Variants in TBC1D8 observed in about 807,000 individuals in gnomAD.
TBC1D8 encodes BUB2-like protein 1.
A neutral mutation model predicts 118.8 loss-of-function variants in TBC1D8; 65 were observed. The ratio of observed to expected loss-of-function variants is 0.55; its 90% CI spans 0.45 to 0.67. The LOEUF (loss-of-function observed/expected upper bound fraction) is 0.67. Among genes scored for constraint, TBC1D8 ranks in the 30% least tolerant of loss-of-function variants. The probability of loss-of-function intolerance (pLI) is 0.00; values close to 1 mark genes in which losing one functional copy is unlikely to be tolerated. For synonymous variants in TBC1D8, 566 were observed against 595.8 expected, an observed-to-expected ratio of 0.95 and a Z score of 0.73; for missense variants, 1,376 against 1,471.2, an observed-to-expected ratio of 0.94 and a Z score of 1.06.
intron 1 of TBC1D8, among the ~76,000 whole-genome samples, chr2:101,106,113 C>T (rs907177459): frequency 4.6e-5 from 7 of 151,882 alleles, no homozygotes; most frequent in African/African-American, 1.7e-4. Context: ...GGAAAAGAAA[C>T]CCTCCTAAGA....
At chr2:101,129,509 G>A (rs888694703) in intron 1 of TBC1D8, among the ~76,000 whole-genome samples, 1 of 152,052 alleles carries the variant, frequency 6.6e-6, no homozygotes, top group South Asian at 2.1e-4. Context: ...TTCAACAGTC[G>A]CCAGCCCAGA....
At chr2:101,051,220 C>A (rs769852996) in intron 4 of TBC1D8, among the ~76,000 whole-genome samples, 1 of 152,134 alleles carries the variant, frequency 6.6e-6, no homozygotes, top group African/African-American at 2.4e-5. Context: ...AATGAACATA[C>A]GCACGTATGT....
intron 12 of TBC1D8, among the ~76,000 whole-genome samples, chr2:101,028,737 G>T (rs911694608): frequency 4.6e-5 from 7 of 152,096 alleles, no homozygotes; most frequent in African/African-American, 1.4e-4. Flanking sequence ...CTCTTTCAAT[G>T]TCATCTGACT....
intron 1 of TBC1D8, among the ~76,000 whole-genome samples, chr2:101,113,631 T>G (rs67087164): frequency 0.15 from 23,265 of 152,124 alleles, 1,838 homozygotes; most frequent in African/African-American, 0.19. Context: ...ACACTCTTGT[T>G]TAATGGCCCT....
intron 17 of TBC1D8, chr2:101,018,105 CT>C: frequency 1.7e-6 from 1 of 590,630 alleles, no homozygotes. Context: ...CCAATCAACA[CT>C]TTTTCATATA....
intron 1 of TBC1D8, among the ~76,000 whole-genome samples, chr2:101,145,649 A>C (rs1003220278): frequency 6.6e-6 from 1 of 152,186 alleles, no homozygotes; most frequent in Non-Finnish European, 1.5e-5. Context: ...TTAGCCTGTC[A>C]GTTTCACCTC....
intron 17 of TBC1D8, chr2:101,018,003 A>C: frequency 2.1e-6 from 3 of 1,432,708 alleles, no homozygotes; most frequent in Non-Finnish European, 2.9e-6. Context: ...TCGCAATTCT[A>C]CTTCAAGCAT....
chr2:101,119,986 G>A (rs1457980902), intron 1 of TBC1D8, among the ~76,000 whole-genome samples: 1 of 152,108 alleles, frequency 6.6e-6, no homozygotes, highest in African/African-American at 2.4e-5. Context: ...CACAGAACAG[G>A]CAAAATAACC....
intron 1 of TBC1D8, among the ~76,000 whole-genome samples, chr2:101,137,378 TCTCGG>T (rs1330787592): frequency 9.9e-5 from 15 of 151,804 alleles, no homozygotes. Context: ...AGTGGCATGA[TCTCGG>T]CTCACTGCAA....
At chr2:101,131,639 C>T (rs1285138827) in intron 1 of TBC1D8, among the ~76,000 whole-genome samples, 1 of 151,436 alleles carries the variant, frequency 6.6e-6, no homozygotes, top group Non-Finnish European at 1.5e-5. Context: ...ATGGTGAAAC[C>T]CTGTCTCTAC....
At chr2:101,019,009 A>T in intron 17 of TBC1D8, 1 of 1,612,696 alleles carries the variant, frequency 6.2e-7, no homozygotes, top group East Asian at 2.2e-5. Flanking sequence ...TTCTGTGCTA[A>T]ACAGTGTTAC....
At chr2:101,115,710 C>G (rs1677788752) in intron 1 of TBC1D8, among the ~76,000 whole-genome samples, 2 of 152,052 alleles carry the variant, frequency 1.3e-5, no homozygotes, top group South Asian at 4.1e-4. Flanking sequence ...GAGATTGTAC[C>G]ACTGCACCCC....
rs186608537 is a variant in TBC1D8, at chr2:101,060,016, G to A, written c.284-477C>T. Reference sequence around the variant, plus strand: ...AAAGGAAGGCACCCCCATAGGGGCCGTGGTGCTCCTCCCTGCAGGACTGGG... The same window carrying A: ...AAAGGAAGGCACCCCCATAGGGGCCATGGTGCTCCTCCCTGCAGGACTGGG... On this transcript the variant is annotated intron_variant, in intron 2 of 19. Coordinates refer to ENST00000409318, the MANE Select transcript of TBC1D8 (RefSeq NM_001330348.2). Among the ~76,000 whole-genome samples the A allele has an allele frequency of 1.7e-3, 265 of 152,334 alleles. 3 individuals are homozygous for A. Among genetic ancestry groups the A allele is most frequent in the East Asian group, 4.4e-3 (23 of 5,178 alleles).
intron 1 of TBC1D8, among the ~76,000 whole-genome samples, chr2:101,105,240 A>C (rs1415651868): frequency 1.3e-5 from 2 of 152,224 alleles, no homozygotes; most frequent in Non-Finnish European, 2.9e-5. Context: ...AACACGTCTG[A>C]TAAAGGACTT....
chr2:101,090,241 T>C lies in TBC1D8; in HGVS notation c.251A>G (p.Asn84Ser). 1 of 1,613,876 alleles carries C rather than the reference T, an allele frequency of 6.2e-7. No homozygotes were observed. Among genetic ancestry groups the C allele is most frequent in the South Asian group, 1.1e-5 (1 of 91,064 alleles). ...YSPIACGELL[N>S]GSDVYWAIAT... ...TATGGCCCAGTAAACGTCTGATCCA[T>C]TCAGTAACTCACCACATGCTATGGG... Residue 84 changes from asparagine (N) to serine (S), a missense_variant, in exon 2 of 20, where the codon AAT (asparagine) becomes AGT (serine). By Grantham distance (46) the Asn-to-Ser change is conservative (BLOSUM62 1). Coordinates refer to ENST00000409318, the MANE Select transcript of TBC1D8 (RefSeq NM_001330348.2).
chr2:101,032,286 A>C lies in TBC1D8; in HGVS notation c.1918T>G (p.Phe640Val). 6.2e-7 allele frequency: 1 copy of C among 1,613,782 alleles called. No homozygotes were observed. The highest frequency in any genetic ancestry group is 8.5e-7 in the Non-Finnish European group (1 of 1,179,780). The change falls in exon 11 of 20, where the codon TTC (phenylalanine) becomes GTC (valine). Residue 640 changes from phenylalanine to valine, a missense_variant. Physicochemically the swap from Phe to Val is conservative, Grantham distance 50. Coordinates refer to ENST00000409318, the MANE Select transcript of TBC1D8 (RefSeq NM_001330348.2). ...TGTTTACCGATCACTCGGTGGTTGA[A>C]GTAATCGGGCAGCATCCGCTCACAC... ...AVCERMLPDYFNHRVIGAQVD... is the reference protein window; with the variant it reads ...AVCERMLPDYVNHRVIGAQVD...
chr2:101,043,499 G>A (rs950007634), intron 5 of TBC1D8, among the ~76,000 whole-genome samples: 4 of 152,190 alleles, frequency 2.6e-5, no homozygotes, highest in African/African-American at 9.7e-5. Context: ...TTCCTTCCTA[G>A]CTGGGCATCT....
intron 5 of TBC1D8, among the ~76,000 whole-genome samples, chr2:101,043,208 C>T (rs1681489822): frequency 6.6e-6 from 1 of 152,196 alleles, no homozygotes; most frequent in Non-Finnish European, 1.5e-5. Flanking sequence ...TCCACGGGCG[C>T]CTGAGCTGCC....
chr2:101,109,796 C>T (rs1182833146), intron 1 of TBC1D8: 1 of 985,328 alleles, frequency 1.0e-6, no homozygotes, highest in South Asian at 4.7e-5. Flanking sequence ...TAGAGACAGG[C>T]AAACACTTAT....
Sources: allele counts gnomAD v4.1 joint callset (sites outside exome capture counted in the v4.1 genomes callset), GRCh38; gene constraint gnomAD v4.1.1; transcripts MANE v1.5; gene names NCBI Gene and HGNC (gene_info 2026-07-23, HGNC 2026-07-21).